The following PGM1 variants were observed in gnomAD, a reference collection of about 807,000 sequenced individuals.
PGM1 encodes phosphoglucomutase-1.
In PGM1, 52 loss-of-function variants were observed where a neutral mutation model predicts 55.6. That is an observed-to-expected ratio of 0.94 (90% confidence interval 0.75 to 1.18). PGM1 has a LOEUF of 1.18. PGM1 is among the 50% of genes most tolerant of loss of function. The pLI, the probability that PGM1 is intolerant of heterozygous loss-of-function variation, is 0.00. For synonymous variants in PGM1, 287 were observed against 271.7 expected, an observed-to-expected ratio of 1.06 and a Z score of -0.55; for missense variants, 724 against 729.3, an observed-to-expected ratio of 0.99 and a Z score of 0.08.
At chr1:63,639,656 TG>T (rs1649461981) in intron 7 of PGM1, among the ~76,000 whole-genome samples, 3 of 152,210 alleles carry the variant, frequency 2.0e-5, no homozygotes, top group African/African-American at 7.2e-5. Flanking sequence ...TTTAAGTAAA[TG>T]TGCTGATCTT....
intron 1 of PGM1, among the ~76,000 whole-genome samples, chr1:63,629,142 G>T (rs565591940): frequency 1.3e-5 from 2 of 152,138 alleles, no homozygotes; most frequent in African/African-American, 4.8e-5. Flanking sequence ...TTAATATGCT[G>T]TGTTTTCATG....
intron 1 of PGM1, among the ~76,000 whole-genome samples, chr1:63,624,301 A>T (rs1402853083): frequency 6.6e-6 from 1 of 152,192 alleles, no homozygotes; most frequent in Non-Finnish European, 1.5e-5. Flanking sequence ...GACCTGTTAC[A>T]GGGGCACCTG....
intron 1 of PGM1, among the ~76,000 whole-genome samples, chr1:63,602,075 T>C (rs918605223): frequency 6.6e-6 from 1 of 152,232 alleles, no homozygotes; most frequent in African/African-American, 2.4e-5. Flanking sequence ...ATGCTAATGG[T>C]GTTGGAACAG....
rs112984282 is a variant in PGM1, at chr1:63,629,738, T to G, written c.409+151T>G. 6 of 937,616 alleles carry G rather than the reference T, an allele frequency of 6.4e-6. No individual in the cohort carries two copies. The African/African-American group carries it at 8.2e-5, about 13-fold the overall frequency. 58.1% of individuals were successfully genotyped at this position (937,616 alleles called of 1,614,324 possible). A position where few individuals can be genotyped will look rare whatever the true frequency, so the allele number is the denominator to read the frequency against. On this transcript the variant is annotated intron_variant, in intron 2 of 10. Coordinates refer to ENST00000371084, the MANE Select transcript of PGM1 (RefSeq NM_002633.3). ...TTCCTTTCAGTGACAGTGAAATGCT[T>G]CTCATTTGACTGTACCTGAATATGA... is the stretch of plus-strand genomic sequence containing the variant.
intron 1 of PGM1, among the ~76,000 whole-genome samples, chr1:63,596,263 T>C (rs1648068321): frequency 7.0e-6 from 1 of 143,080 alleles, no homozygotes; most frequent in Admixed American, 7.0e-5. Context: ...TCTTTTTTTT[T>C]TTTTTTTTTT....
At position 63,658,765 on chromosome 1, in the gene PGM1, A is replaced by G. The variant is rs186161991; in HGVS notation, c.1600-821A>G. Among the ~76,000 whole-genome samples, 447 of 152,252 alleles carry G rather than the reference A, an allele frequency of 2.9e-3. 1 individual carries two copies. The highest frequency in any genetic ancestry group is 0.011 in the African/African-American group (437 of 41,548). ...GAAACTCCATCTCAAAAAAAAAAAAAAAAGATTCCTGTATTAGTCTGTTTT... is the reference window on the plus strand; with the variant it reads ...GAAACTCCATCTCAAAAAAAAAAAAGAAAGATTCCTGTATTAGTCTGTTTT... On this transcript the variant is annotated intron_variant, in intron 10 of 10. Transcript: ENST00000371084.
intron 1 of PGM1, among the ~76,000 whole-genome samples, chr1:63,614,607 C>T (rs923054699): frequency 3.9e-5 from 6 of 152,184 alleles, no homozygotes; most frequent in South Asian, 4.1e-4. Context: ...AGACAGACTG[C>T]GTATGACCTG....
intron 6 of PGM1, 45 bp from the exon 7 acceptor site, chr1:63,638,640 C>A: frequency 7.6e-7 from 1 of 1,324,130 alleles, no homozygotes; most frequent in Non-Finnish European, 1.1e-6. Context: ...CATGGCCACG[C>A]TAACAGTCCT....
chr1:63,608,986 G>T (rs965482615), intron 1 of PGM1, among the ~76,000 whole-genome samples: 1 of 152,224 alleles, frequency 6.6e-6, no homozygotes, highest in Non-Finnish European at 1.5e-5. Context: ...ATGATTCTAT[G>T]ATTATTATGA....
intron 1 of PGM1, among the ~76,000 whole-genome samples, chr1:63,615,683 C>T (rs1229086435): frequency 1.3e-5 from 2 of 151,248 alleles, no homozygotes; most frequent in Non-Finnish European, 2.9e-5. Flanking sequence ...CTGCCTCAGC[C>T]TCCTGAGTAG....
intron 4 of PGM1, among the ~76,000 whole-genome samples, chr1:63,632,066 C>G (rs549927304): frequency 2.6e-5 from 4 of 152,116 alleles, no homozygotes; most frequent in Non-Finnish European, 4.4e-5. Context: ...TCTCCCTCCC[C>G]CTCAGAAGAT....
At chr1:63,653,649 T>G (rs1331444607) in intron 9 of PGM1, among the ~76,000 whole-genome samples, 4 of 152,118 alleles carry the variant, frequency 2.6e-5, no homozygotes, top group African/African-American at 9.7e-5. Context: ...TCCCACACAT[T>G]TTTCCCCAAG....
chr1:63,629,501 C>T lies in PGM1; in HGVS notation c.323C>T (p.Ala108Val). ...AVSCIIRKIKAIGGIILTASH... is the reference protein window; with the variant it reads ...AVSCIIRKIKVIGGIILTASH... ...TCCTGCATCATTAGAAAAATCAAAG[C>T]CATTGGTGGGATCATTCTGACAGCC... The change falls in exon 2 of 11, where the codon GCC (alanine) becomes GTC (valine). Residue 108 changes from alanine (A) to valine (V), a missense_variant. This residue lies in a region of PGM1 where 379 missense variants were observed against 357.5 expected (regional missense o/e 1.06). Coordinates refer to ENST00000371084, the MANE Select transcript of PGM1 (RefSeq NM_002633.3). The T allele has an allele frequency of 6.2e-7, 1 of 1,613,684 alleles. No individual in the cohort carries two copies.
rs531111947 is a variant in PGM1, at chr1:63,619,119, A to C, written c.247-10306A>C. On this transcript the variant is annotated intron_variant, in intron 1 of 10. Coordinates refer to ENST00000371084, the MANE Select transcript of PGM1 (RefSeq NM_002633.3). ...AGGGCTAACCTAATCTGGCTAGTAC[A>C]CTTTTGAGTCCCAATTCTAGATTCC... Among the ~76,000 whole-genome samples the C allele has an allele frequency of 7.9e-4, 120 of 152,252 alleles. 2 individuals are homozygous for C. Among genetic ancestry groups the C allele is most frequent in the Middle Eastern group, 3.4e-3 (1 of 294 alleles).
intron 1 of PGM1, among the ~76,000 whole-genome samples, chr1:63,620,722 G>T (rs57077188): frequency 6.6e-6 from 1 of 152,176 alleles, no homozygotes; most frequent in Non-Finnish European, 1.5e-5. Flanking sequence ...GGAGCGAAGG[G>T]GTTCATAACT....
chr1:63,633,900 GTGTGTGTGTGTGTGTGTGTATATATATA>G (rs1649271773), intron 4 of PGM1, among the ~76,000 whole-genome samples: 3 of 44,736 alleles, frequency 6.7e-5, no homozygotes, highest in African/African-American at 3.9e-4. Context: ...GTGTGTGTGT[GTGTGTGTGTGTGTGTGTGTATATATATA>G]TATATTTTTT....
intron 1 of PGM1, among the ~76,000 whole-genome samples, chr1:63,615,624 G>A (rs931507686): frequency 1.2e-4 from 17 of 137,368 alleles, no homozygotes; most frequent in Non-Finnish European, 2.3e-4. Flanking sequence ...GTGCAGTGGC[G>A]CGATCTCGAC....
At chr1:63,652,207 G>T (rs1241754201) in intron 9 of PGM1, among the ~76,000 whole-genome samples, 1 of 152,196 alleles carries the variant, frequency 6.6e-6, no homozygotes, top group Non-Finnish European at 1.5e-5. Context: ...TGGGAACTTA[G>T]ATGTCAACTC....
chr1:63,626,111 C>T (rs902431662), intron 1 of PGM1, among the ~76,000 whole-genome samples: 3 of 152,018 alleles, frequency 2.0e-5, no homozygotes, highest in Non-Finnish European at 4.4e-5. Flanking sequence ...GGAAGGAAGT[C>T]GTGGGAAAGG....
Sources: allele counts gnomAD v4.1 joint callset (sites outside exome capture counted in the v4.1 genomes callset), GRCh38; gene constraint gnomAD v4.1.1; regional missense constraint gnomAD v4.1.1; transcripts MANE v1.5; gene names NCBI Gene and HGNC (gene_info 2026-07-23, HGNC 2026-07-21).